Variants in EIF4H observed in about 807,000 individuals in gnomAD.
EIF4H encodes the protein Williams-Beuren syndrome chromosome region 1.
Under a neutral mutation model 30.6 loss-of-function variants are expected in EIF4H, and 8 were observed. That is an observed-to-expected ratio of 0.26 (90% CI 0.15 to 0.47). The LOEUF is 0.47. Among genes scored for constraint, EIF4H ranks in the 20% least tolerant of loss-of-function variants. EIF4H has a pLI of 0.99. For missense variants in EIF4H, 188 were observed against 339.5 expected, an observed-to-expected ratio of 0.55 and a Z score of 3.51; for synonymous variants, 106 against 122.7, an observed-to-expected ratio of 0.86 and a Z score of 0.90.
At chr7:74,186,823 T>A (rs1236566788) in intron 1 of EIF4H, among the ~76,000 whole-genome samples, 8 of 87,664 alleles carry the variant, frequency 9.1e-5, no homozygotes, top group South Asian at 8.3e-4. Context: ...TTTTTTTTTT[T>A]TTTTTTTTTT....
chr7:74,191,812 C>T (rs1180742522), intron 5 of EIF4H, among the ~76,000 whole-genome samples: 7 of 152,080 alleles, frequency 4.6e-5, no homozygotes, highest in African/African-American at 1.7e-4. Flanking sequence ...CGGAGTCTTG[C>T]TCTGTTGCCC....
intron 5 of EIF4H, among the ~76,000 whole-genome samples, chr7:74,192,032 G>A (rs1554710031): frequency 6.6e-6 from 1 of 152,106 alleles, no homozygotes; most frequent in African/African-American, 2.4e-5. Context: ...ACCTGCCTCG[G>A]CCTCCCAAAG....
chr7:74,175,813 T>C (rs2115925220), intron 1 of EIF4H, among the ~76,000 whole-genome samples: 1 of 152,222 alleles, frequency 6.6e-6, no homozygotes, highest in East Asian at 1.9e-4. Context: ...TAAGTTTTAG[T>C]TGCATTGGGA....
chr7:74,184,152 G>A (rs370300390), intron 1 of EIF4H, among the ~76,000 whole-genome samples: 1 of 152,080 alleles, frequency 6.6e-6, no homozygotes, highest in South Asian at 2.1e-4. Context: ...TTTCAAAAAT[G>A]GTTTGCCCCA....
chr7:74,195,018 A>C, intron 6 of EIF4H, 140 bp downstream of exon 6: 1 of 1,504,932 alleles, frequency 6.6e-7, no homozygotes, highest in Non-Finnish European at 8.9e-7. Context: ...TAGCAAGTTC[A>C]CCTTGGTCAT....
chr7:74,189,759 C>T (rs782450381), intron 3 of EIF4H, 22 bp downstream of exon 3: 9 of 1,614,086 alleles, frequency 5.6e-6, no homozygotes, highest in Non-Finnish European at 2.5e-6. Flanking sequence ...CGGGTTTTCT[C>T]TGTCATAGCA....
intron 1 of EIF4H, among the ~76,000 whole-genome samples, chr7:74,181,259 T>C (rs1800954159): frequency 6.6e-6 from 1 of 152,222 alleles, no homozygotes; most frequent in Non-Finnish European, 1.5e-5. Flanking sequence ...TAGGATAATT[T>C]AAGGCTAATC....
intron 1 of EIF4H, among the ~76,000 whole-genome samples, chr7:74,178,091 C>T (rs1206247690): frequency 2.0e-5 from 3 of 152,088 alleles, no homozygotes; most frequent in African/African-American, 7.2e-5. Flanking sequence ...CAGGGTGCGC[C>T]ACCATGCCCA....
intron 1 of EIF4H, among the ~76,000 whole-genome samples, chr7:74,180,977 A>G (rs1418313991): frequency 3.9e-5 from 6 of 151,972 alleles, no homozygotes; most frequent in African/African-American, 1.2e-4. Flanking sequence ...CTCAAGGGAT[A>G]CTCCTGCCTT....
At chr7:74,192,010 A>AC (rs1208050221) in intron 5 of EIF4H, among the ~76,000 whole-genome samples, 4 of 151,842 alleles carry the variant, frequency 2.6e-5, no homozygotes, top group Non-Finnish European at 5.9e-5. Flanking sequence ...CGATCTCCTG[A>AC]CCTCGTGATC....
intron 1 of EIF4H, among the ~76,000 whole-genome samples, chr7:74,180,888 ACTG>A (rs1397478038): frequency 1.3e-5 from 2 of 152,340 alleles, no homozygotes; most frequent in Non-Finnish European, 2.9e-5. Context: ...AATGTAAAGA[ACTG>A]CTGCTTGAGC....
intron 1 of EIF4H, among the ~76,000 whole-genome samples, chr7:74,175,029 T>C (rs150881): frequency 0.94 from 142,809 of 152,314 alleles, 66,992 homozygotes; most frequent in Non-Finnish European, 0.95. Context: ...ACCAAGGAGA[T>C]AAATCCATCG....
At chr7:74,186,922 G>C (rs1272928760) in intron 1 of EIF4H, among the ~76,000 whole-genome samples, 1 of 145,312 alleles carries the variant, frequency 6.9e-6, no homozygotes, top group Non-Finnish European at 1.5e-5. Context: ...AGGTTCAAGC[G>C]GTAGGAGAAA....
rs1221297209 is a variant in EIF4H at position 74,196,875 on chromosome 7, G to A, written c.*1567G>A. 1 of 152,618 alleles carries A rather than the reference G, an allele frequency of 6.6e-6. No individual in the cohort carries two copies. Among genetic ancestry groups the A allele is most frequent in the African/African-American group, 2.4e-5 (1 of 41,468 alleles). The allele number at this position is 152,618 out of a possible 1,614,324, so 9.5% of individuals were successfully genotyped here. A position where few individuals can be genotyped will look rare whatever the true frequency, so the allele number is the denominator to read the frequency against. On this transcript the variant is annotated 3_prime_UTR_variant, in exon 7 of 7. Coordinates refer to ENST00000265753, the MANE Select transcript of EIF4H (RefSeq NM_022170.2). ...TTCAGAAAGACATGCATTATGTGGT[G>A]TAATCAAACCCGATGCTTTCAGATG...
At chr7:74,189,144 C>T (rs1801150354) in intron 2 of EIF4H, among the ~76,000 whole-genome samples, 1 of 152,150 alleles carries the variant, frequency 6.6e-6, no homozygotes, top group African/African-American at 2.4e-5. Flanking sequence ...TTGTCAGTAA[C>T]AGGTACTTGG....
intron 1 of EIF4H, among the ~76,000 whole-genome samples, chr7:74,180,154 AC>A (rs1800926942): frequency 6.6e-6 from 1 of 152,198 alleles, no homozygotes; most frequent in Non-Finnish European, 1.5e-5. Flanking sequence ...CAGTGATTGC[AC>A]CACAGCACTC....
rs1325867254 is a variant in EIF4H at position 74,195,680 on chromosome 7, T to C, written c.*372T>C. On this transcript the variant is annotated 3_prime_UTR_variant, in exon 7 of 7. Coordinates refer to ENST00000265753, the MANE Select transcript of EIF4H (RefSeq NM_022170.2). ...GCGTCATTTTTCCTTTGCTTTCTCT[T>C]TACTTTAGACACTGGCCCAACTCCA... The C allele has an allele frequency of 5.5e-6, 1 of 180,862 alleles. No homozygotes were observed. Among genetic ancestry groups the C allele is most frequent in the Non-Finnish European group, 1.2e-5 (1 of 84,986 alleles). 11.2% of individuals were successfully genotyped at this position (180,862 alleles called of 1,614,324 possible).
intron 1 of EIF4H, 109 bp downstream of exon 1, chr7:74,174,551 C>T (rs1800791338): frequency 1.9e-6 from 2 of 1,053,812 alleles, no homozygotes; most frequent in African/African-American, 1.7e-5. Context: ...AGGCGGGGGC[C>T]CGCGGAGGCC....
At chr7:74,193,069 G>A (rs1332721722) in intron 5 of EIF4H, among the ~76,000 whole-genome samples, 1 of 152,184 alleles carries the variant, frequency 6.6e-6, no homozygotes, top group Non-Finnish European at 1.5e-5. Context: ...GCTGTAGTAA[G>A]TAGTCTGTGG....
Sources: allele counts gnomAD v4.1 joint callset (sites outside exome capture counted in the v4.1 genomes callset), GRCh38; gene constraint gnomAD v4.1.1; transcripts MANE v1.5; gene names NCBI Gene and HGNC (gene_info 2026-07-23, HGNC 2026-07-21).